SAFB2: variants seen among roughly 807,000 people sequenced by gnomAD.
The protein encoded by SAFB2 is scaffold attachment factor B2.
In SAFB2, 32 loss-of-function variants were observed where a neutral mutation model predicts 100.6. That is an observed-to-expected ratio of 0.32 (90% CI 0.24 to 0.43). The LOEUF is 0.43. SAFB2 is among the 20% of genes least tolerant of loss of function. SAFB2 has a pLI of 1.00. For missense variants in SAFB2, 1,185 were observed against 1,163.4 expected, an observed-to-expected ratio of 1.02 and a Z score of -0.27; for synonymous variants, 500 against 439.4, an observed-to-expected ratio of 1.14 and a Z score of -1.72.
intron 2 of SAFB2, among the ~76,000 whole-genome samples, chr19:5,616,944 C>T (rs1186631900): frequency 6.6e-6 from 1 of 152,118 alleles, no homozygotes; most frequent in Non-Finnish European, 1.5e-5. Flanking sequence ...GCCATGGTGC[C>T]CGGCCTCAAT....
At position 5,587,810 on chromosome 19, in the gene SAFB2, A is replaced by C. The variant is rs1321537023; in HGVS notation, c.2639-43T>G. ...TCTGCAAACACTCCGTTCCTGGGGAAGCCCCTGGACACATGTGGGGGCCAC... is the reference window on the plus strand; with the variant it reads ...TCTGCAAACACTCCGTTCCTGGGGACGCCCCTGGACACATGTGGGGGCCAC... On this transcript the variant is annotated intron_variant, in intron 19 of 20. Transcript: ENST00000252542. The surrounding 1 kb of genome is among the most constrained non-coding windows in gnomAD (Gnocchi z 4.9). 2.6e-6 allele frequency: 4 copies of C among 1,563,652 alleles called. No homozygotes were observed. The African/African-American group carries it at 5.4e-5, about 21-fold the overall frequency.
chr19:5,605,603 G>A (rs1272383864), intron 9 of SAFB2, among the ~76,000 whole-genome samples: 1 of 152,098 alleles, frequency 6.6e-6, no homozygotes, highest in Non-Finnish European at 1.5e-5. Context: ...ACTCCAGCTG[G>A]GCCTGAGAAG....
At position 5,600,203 on chromosome 19, in the gene SAFB2, G is replaced by A. The variant is rs1453073334; in HGVS notation, c.1617C>T (p.Asp539=). 6.2e-7 allele frequency: 1 copy of A among 1,613,648 alleles called. No individual in the cohort carries two copies. Among genetic ancestry groups the A allele is most frequent in the East Asian group, 2.2e-5 (1 of 44,884 alleles). ...IEKKEEKKPE[D]IKKEEKDQDE... The stretch of plus-strand genomic sequence containing the variant: ...CCTGGTCTTTTTCTTCCTTCTTAAT[G>A]TCTTCAGGCTTTTTTTCCTCCTTCT... The change falls in exon 12 of 21, where the codon GAC becomes GAT. Residue 539 remains aspartate, a synonymous_variant. Coordinates refer to ENST00000252542, the MANE Select transcript of SAFB2 (RefSeq NM_014649.3).
At chr19:5,602,702 C>T (rs1262550420) in intron 11 of SAFB2, among the ~76,000 whole-genome samples, 1 of 152,062 alleles carries the variant, frequency 6.6e-6, no homozygotes, top group African/African-American at 2.4e-5. Flanking sequence ...CCAGTGCTGG[C>T]CACAGGACCA....
chr19:5,620,199 T>G (rs1037894400), intron 2 of SAFB2, among the ~76,000 whole-genome samples: 7 of 152,224 alleles, frequency 4.6e-5, no homozygotes, highest in Admixed American at 6.5e-5. Context: ...CTAAAAGATT[T>G]AATCTTTCAA....
chr19:5,618,355 C>G (rs922746479), intron 2 of SAFB2, among the ~76,000 whole-genome samples: 2 of 151,954 alleles, frequency 1.3e-5, no homozygotes, highest in African/African-American at 4.8e-5. Context: ...GAGCGAGACT[C>G]CGTCTCAAAA....
rs564326413 is a variant in SAFB2 at position 5,607,796 on chromosome 19, G to C, written c.1296+2199C>G. 3.9e-4 allele frequency among the ~76,000 whole-genome samples: 60 copies of C among 152,304 alleles called. 1 individual carries two copies. Among genetic ancestry groups the C allele is most frequent in the African/African-American group, 1.4e-3 (60 of 41,570 alleles). On this transcript the variant is annotated intron_variant, in intron 9 of 20. Coordinates refer to ENST00000252542, the MANE Select transcript of SAFB2 (RefSeq NM_014649.3). ...GTCTCTGGACCTCATGGCCCCAACT[G>C]TGAAATGACAAGGTGGAACCCACAA...
At chr19:5,607,579 C>G (rs1408032881) in intron 9 of SAFB2, among the ~76,000 whole-genome samples, 2 of 152,054 alleles carry the variant, frequency 1.3e-5, no homozygotes, top group African/African-American at 2.4e-5. Context: ...AGGACTCGAC[C>G]CACAAGAAGG....
chr19:5,613,170 C>T (rs1348260571), intron 5 of SAFB2, among the ~76,000 whole-genome samples: 1 of 152,200 alleles, frequency 6.6e-6, no homozygotes, highest in East Asian at 1.9e-4. Context: ...TCTTCTTTCC[C>T]TCTTCAACCT....
intron 5 of SAFB2, 47 bp from the exon 6 acceptor site, chr19:5,612,614 G>A (rs969400407): frequency 6.1e-6 from 9 of 1,478,154 alleles, no homozygotes; most frequent in African/African-American, 2.8e-5. Context: ...TTAAACACGG[G>A]GCACATACAT....
At position 5,604,953 on chromosome 19, in the gene SAFB2, A is replaced by T; in HGVS notation, c.1297-17T>A. The T allele has an allele frequency of 5.6e-6, 9 of 1,609,438 alleles. No individual in the cohort carries two copies. The highest frequency in any genetic ancestry group is 7.6e-6 in the Non-Finnish European group (9 of 1,179,374). On this transcript the variant is annotated splice_polypyrimidine_tract_variant and intron_variant, in intron 9 of 20. Coordinates refer to ENST00000252542, the MANE Select transcript of SAFB2 (RefSeq NM_014649.3). ...CCCGACAACCTTCATGAAAAAGGGC[A>T]CTCTTACTCTCTCATACAAATGACC...
chr19:5,593,924 C>T lies in SAFB2; in HGVS notation c.2174G>A (p.Arg725Gln), dbSNP rs1232373462. The stretch of plus-strand genomic sequence containing the variant: ...GTCGTAGGGCCTCCGCCCGGGCCGC[C>T]GCTCCTGCTCGTAACGCAGCTGCTC... ...QQEQLRYEQE[R>Q]RPGRRPYDLD... Residue 725 changes from arginine to glutamine, a missense_variant, in exon 15 of 21, where the codon CGG becomes CAG. Arg to Gln is a conservative substitution (Grantham distance 43, BLOSUM62 1). Around this residue, in one of 3 missense-constraint regions of SAFB2, gnomAD observed 740 missense variants for 687.1 expected, o/e 1.08. Coordinates refer to ENST00000252542, the MANE Select transcript of SAFB2 (RefSeq NM_014649.3). 15 of 1,536,466 alleles carry T rather than the reference C, an allele frequency of 9.8e-6. No individual in the cohort carries two copies. The highest frequency in any genetic ancestry group is 2.8e-5 in the African/African-American group (2 of 71,832).
Position 5,587,009 on chromosome 19 carries a change from A to G in SAFB2, c.*234T>C. 1 of 609,718 alleles carries G rather than the reference A, an allele frequency of 1.6e-6. No individual in the cohort carries two copies. The highest frequency in any genetic ancestry group is 2.8e-6 in the Non-Finnish European group (1 of 363,154). The allele number at this position is 609,718 out of a possible 1,614,324, so 37.8% of individuals were successfully genotyped here. A position where few individuals can be genotyped will look rare whatever the true frequency, so the allele number is the denominator to read the frequency against. On this transcript the variant is annotated 3_prime_UTR_variant, in exon 21 of 21. Coordinates refer to ENST00000252542, the MANE Select transcript of SAFB2 (RefSeq NM_014649.3). This position sits in a 1 kb window ranked among gnomAD's most constrained non-coding sequence, Gnocchi z 4.9. ...ACGCGCACGCAAGACTGCGAATGGT[A>G]AACTTTATTAATGGAAAATGGAATG...
At chr19:5,588,368 A>G (rs1279998356) in intron 18 of SAFB2, among the ~76,000 whole-genome samples, 1 of 152,240 alleles carries the variant, frequency 6.6e-6, no homozygotes, top group Non-Finnish European at 1.5e-5. Context: ...AGTTAAGCGC[A>G]GAATTACCAT....
At position 5,595,600 on chromosome 19, in the gene SAFB2, A is replaced by G. The variant is rs1330172498; in HGVS notation, c.1783-103T>C. 86 of 1,372,420 alleles carry G rather than the reference A, an allele frequency of 6.3e-5. No homozygotes were observed. In the South Asian group the frequency reaches 1.1e-3, roughly 18 times the overall value. The allele number at this position is 1,372,420 out of a possible 1,614,324, so 85.0% of individuals were successfully genotyped here. Reference sequence around the variant, plus strand: ...TGAGACTAAGATTCTCTGGCCCCACATGGTGTAGATGGAAGGCTGTGGTCT... The same window carrying G: ...TGAGACTAAGATTCTCTGGCCCCACGTGGTGTAGATGGAAGGCTGTGGTCT... On this transcript the variant is annotated intron_variant, in intron 13 of 20. Coordinates refer to ENST00000252542, the MANE Select transcript of SAFB2 (RefSeq NM_014649.3).
intron 16 of SAFB2, among the ~76,000 whole-genome samples, chr19:5,591,996 A>C (rs546980888): frequency 5.9e-5 from 9 of 152,352 alleles, no homozygotes; most frequent in Non-Finnish European, 1.3e-4. Context: ...AAGAGGTAGG[A>C]ATAAAGATCT....
chr19:5,609,682 G>C (rs910616329), intron 9 of SAFB2, among the ~76,000 whole-genome samples: 1 of 152,226 alleles, frequency 6.6e-6, no homozygotes, highest in African/African-American at 2.4e-5. Flanking sequence ...GAGAGAAGCT[G>C]TTTATACAGC....
At chr19:5,605,221 C>T (rs1434901045) in intron 9 of SAFB2, among the ~76,000 whole-genome samples, 1 of 152,006 alleles carries the variant, frequency 6.6e-6, no homozygotes, top group Non-Finnish European at 1.5e-5. Context: ...TCTCCCGCCT[C>T]AGCCTCCGAA....
chr19:5,612,496 T>C, intron 6 of SAFB2, 44 bp downstream of exon 6: 1 of 1,569,232 alleles, frequency 6.4e-7, no homozygotes, highest in Non-Finnish European at 8.8e-7. Flanking sequence ...AATAATAGTG[T>C]GAAAACTTTC....
Sources: gnomAD v4.1 joint callset for allele counts (sites outside exome capture counted in the v4.1 genomes callset) on GRCh38, gnomAD v4.1.1 for gene constraint, gnomAD v4.1.1 regional missense constraint, Gnocchi (gnomAD v3.1) non-coding constraint, MANE v1.5 for transcripts, NCBI Gene and HGNC (gene_info 2026-07-23, HGNC 2026-07-21) for gene names.